Variants in EYS observed in about 807,000 individuals in gnomAD.
The protein encoded by EYS is EGF-like photoreceptor maintenance factor.
Under a neutral mutation model 282.1 loss-of-function variants are expected in EYS, and 250 were observed. The observed-to-expected ratio is 0.89, with a 90% CI of 0.80 to 0.98. The LOEUF (loss-of-function observed/expected upper bound fraction) is 0.98. Ranked by LOEUF, EYS falls within the 50% of genes least tolerant of loss-of-function variation. The pLI, the probability that EYS is intolerant of heterozygous loss-of-function variation, is 0.00. For synonymous variants in EYS, 1,355 were observed against 1,282.9 expected, an observed-to-expected ratio of 1.06 and a Z score of -1.20; for missense variants, 4,016 against 3,709.0, an observed-to-expected ratio of 1.08 and a Z score of -2.15.
chr6:64,373,593 T>C (rs1431342112), intron 29 of EYS, among the ~76,000 whole-genome samples: 3 of 151,956 alleles, frequency 2.0e-5, no homozygotes, highest in Admixed American at 1.3e-4. Flanking sequence ...TGCCCTGCCA[T>C]CCGGGTGTTT....
intron 39 of EYS, among the ~76,000 whole-genome samples, chr6:63,784,722 T>A (rs1375438494): frequency 6.6e-6 from 1 of 151,886 alleles, no homozygotes; most frequent in Non-Finnish European, 1.5e-5. Context: ...TGGCCCCTCC[T>A]CCAGCACTGG....
At chr6:65,610,849 T>A (rs1356798604) in intron 2 of EYS, among the ~76,000 whole-genome samples, 2 of 152,114 alleles carry the variant, frequency 1.3e-5, no homozygotes, top group Non-Finnish European at 2.9e-5. Flanking sequence ...GTGTAACTGA[T>A]TCTTTTTCCT....
intron 30 of EYS, among the ~76,000 whole-genome samples, chr6:64,280,169 A>G (rs903554331): frequency 1.3e-5 from 2 of 152,218 alleles, no homozygotes; most frequent in African/African-American, 2.4e-5. Context: ...AAATAAAAAT[A>G]TCAAGTAAAT....
In EYS at chr6:64,055,737, G is replaced by A. The variant is rs547791887; in HGVS notation, c.6725+10601C>T. ...GAGTATTTAGCTGTTCTTCTGAAGCGTCACTGTTTCTTTGGGTCACTCCTC... is the reference window on the plus strand; with the variant it reads ...GAGTATTTAGCTGTTCTTCTGAAGCATCACTGTTTCTTTGGGTCACTCCTC... On this transcript the variant is annotated intron_variant, in intron 33 of 42. Coordinates refer to ENST00000503581, the MANE Select transcript of EYS (RefSeq NM_001142800.2). Among the ~76,000 whole-genome samples, 4 of 152,194 alleles carry A rather than the reference G, an allele frequency of 2.6e-5. No individual in the cohort carries two copies. The South Asian group carries it at 8.3e-4, about 32-fold the overall frequency.
At chr6:64,939,094 T>C (rs1399616981) in intron 15 of EYS, among the ~76,000 whole-genome samples, 2 of 151,828 alleles carry the variant, frequency 1.3e-5, no homozygotes, top group African/African-American at 4.8e-5. Flanking sequence ...AATACATACA[T>C]TATGCTCATC....
At chr6:64,597,723 TG>T (rs958998790) in intron 24 of EYS, among the ~76,000 whole-genome samples, 2 of 136,216 alleles carry the variant, frequency 1.5e-5, no homozygotes, top group African/African-American at 2.7e-5. Context: ...GGGGAGGACA[TG>T]GGGGGGTAAA....
At chr6:64,816,158 T>C (rs1261890676) in intron 21 of EYS, among the ~76,000 whole-genome samples, 1 of 152,130 alleles carries the variant, frequency 6.6e-6, no homozygotes, top group Non-Finnish European at 1.5e-5. Flanking sequence ...CAGAGAGAAC[T>C]ACTATTTGAA....
At chr6:64,881,748 T>C (rs1266435341) in intron 19 of EYS, among the ~76,000 whole-genome samples, 1 of 151,820 alleles carries the variant, frequency 6.6e-6, no homozygotes, top group Admixed American at 6.6e-5. Context: ...AGATATTGGC[T>C]ATTAAAATTT....
chr6:64,093,449 C>A (rs962113594), intron 31 of EYS, among the ~76,000 whole-genome samples: 3 of 152,062 alleles, frequency 2.0e-5, no homozygotes, highest in Non-Finnish European at 2.9e-5. Context: ...GTTTGTAGTT[C>A]TCCTTGAAGA....
At position 65,345,259 on chromosome 6, in the gene EYS, C is replaced by T. The variant is rs530847292; in HGVS notation, c.1460-1082G>A. 3.0e-3 allele frequency among the ~76,000 whole-genome samples: 451 copies of T among 151,710 alleles called. 4 individuals carry two copies. Among genetic ancestry groups the T allele is most frequent in the African/African-American group, 9.8e-3 (407 of 41,458 alleles). ...GAAAATTATGGCTATGTTAATAAAA[C>T]AATTAATGGATGAGATTATCAGATC... is the stretch of plus-strand genomic sequence containing the variant. On this transcript the variant is annotated intron_variant, in intron 9 of 42. Transcript: ENST00000503581.
rs1202169132 is a variant in EYS at position 64,591,500 on chromosome 6, C to A, written c.4367G>T (p.Ser1456Ile). The A allele has an allele frequency of 6.4e-7, 1 of 1,551,218 alleles. No homozygotes were observed. The highest frequency in any genetic ancestry group is 2.0e-5 in the Admixed American group (1 of 50,962). Residue 1456 changes from serine (S) to isoleucine (I), a missense_variant, in exon 26 of 43, where the codon AGT (serine) becomes ATT (isoleucine). Coordinates refer to ENST00000503581, the MANE Select transcript of EYS (RefSeq NM_001142800.2). Reference protein sequence around the residue: ...RGFLLIAASISATPVVSRGAQ... With the variant: ...RGFLLIAASIIATPVVSRGAQ... ...CCCCCTAGAGACAACTGGAGTTGCA[C>A]TTATGGAGGCAGCTATAAGCAGGAA... is the stretch of plus-strand genomic sequence containing the variant.
intron 26 of EYS, among the ~76,000 whole-genome samples, chr6:64,548,148 C>T (rs1764942498): frequency 6.6e-6 from 1 of 152,182 alleles, no homozygotes; most frequent in Non-Finnish European, 1.5e-5. Context: ...TCAAGTGCTG[C>T]CAAAGTGGGA....
intron 40 of EYS, among the ~76,000 whole-genome samples, chr6:63,773,026 A>T (rs1028349956): frequency 1.3e-5 from 2 of 152,096 alleles, no homozygotes; most frequent in Non-Finnish European, 1.5e-5. Flanking sequence ...CTCCATAGCA[A>T]CATATAAAAG....
chr6:64,165,589 T>TA (rs1414653743), intron 31 of EYS, among the ~76,000 whole-genome samples: 1 of 152,186 alleles, frequency 6.6e-6, no homozygotes, highest in East Asian at 1.9e-4. Flanking sequence ...CAATTATGAA[T>TA]AATACTTCAT....
At chr6:63,814,487 TTTAA>T (rs1771127810) in intron 36 of EYS, among the ~76,000 whole-genome samples, 1 of 152,226 alleles carries the variant, frequency 6.6e-6, no homozygotes, top group South Asian at 2.1e-4. Flanking sequence ...TATATAGATA[TTTAA>T]TTACTACCAT....
At chr6:64,496,896 C>T (rs1010353445) in intron 26 of EYS, among the ~76,000 whole-genome samples, 1 of 151,992 alleles carries the variant, frequency 6.6e-6, no homozygotes, top group Non-Finnish European at 1.5e-5. Context: ...AAGTTGTCCA[C>T]ATAATTTAGT....
chr6:65,532,072 C>T (rs1767791878), intron 2 of EYS, among the ~76,000 whole-genome samples: 1 of 151,838 alleles, frequency 6.6e-6, no homozygotes, highest in Admixed American at 6.6e-5. Context: ...ATTTCTATTG[C>T]TGTTATAGAA....
chr6:65,409,682 T>C (rs762022603), intron 5 of EYS, among the ~76,000 whole-genome samples: 3 of 152,158 alleles, frequency 2.0e-5, no homozygotes, highest in Non-Finnish European at 2.9e-5. Flanking sequence ...GAGTTTTTAG[T>C]AAACAACATA....
chr6:64,284,916 A>C (rs181062980), intron 30 of EYS, among the ~76,000 whole-genome samples: 28 of 151,888 alleles, frequency 1.8e-4, no homozygotes, highest in African/African-American at 6.8e-4. Flanking sequence ...TGCCCACAAA[A>C]CCATTTTTTC....
Sources: allele counts gnomAD v4.1 joint callset (sites outside exome capture counted in the v4.1 genomes callset), GRCh38; gene constraint gnomAD v4.1.1; transcripts MANE v1.5; gene names NCBI Gene and HGNC (gene_info 2026-07-23, HGNC 2026-07-21).